LDAH: variants seen among roughly 807,000 people sequenced by gnomAD.
LDAH encodes the protein lipid droplet associated hydrolase.
LDAH carries 26 observed loss-of-function variants against 29.6 expected under a neutral mutation model. The ratio of observed to expected loss-of-function variants is 0.88; its 90% CI spans 0.64 to 1.22. The LOEUF (loss-of-function observed/expected upper bound fraction) is 1.22, where lower values mean the gene tolerates loss of function less well. LDAH is among the 50% of genes most tolerant of loss of function. LDAH has a pLI of 0.00. For missense variants in LDAH, 344 were observed against 387.3 expected (o/e 0.89, Z 0.94); for synonymous variants, 117 against 133.0 (o/e 0.88, Z 0.83).
intron 4 of LDAH, among the ~76,000 whole-genome samples, chr2:20,766,246 C>A (rs547759092): frequency 6.6e-6 from 1 of 152,128 alleles, no homozygotes; most frequent in African/African-American, 2.4e-5. Flanking sequence ...TTTAAAAACA[C>A]TGTTTCATTG....
At chr2:20,780,699 A>G (rs1670135737) in intron 3 of LDAH, among the ~76,000 whole-genome samples, 1 of 152,202 alleles carries the variant, frequency 6.6e-6, no homozygotes, top group Non-Finnish European at 1.5e-5. Flanking sequence ...CGTTAACTGC[A>G]ATGCTCACTC....
chr2:20,791,392 C>T (rs1326671574), intron 2 of LDAH, among the ~76,000 whole-genome samples: 1 of 152,180 alleles, frequency 6.6e-6, no homozygotes, highest in Non-Finnish European at 1.5e-5. Flanking sequence ...ATGTACAAAG[C>T]ATTGTAACAC....
At chr2:20,692,310 C>G (rs941768220) in intron 6 of LDAH, among the ~76,000 whole-genome samples, 2 of 152,144 alleles carry the variant, frequency 1.3e-5, no homozygotes, top group African/African-American at 4.8e-5. Flanking sequence ...AGGGAGTGAA[C>G]ATGAACAAAG....
chr2:20,690,859 T>G (rs745562813), intron 6 of LDAH, among the ~76,000 whole-genome samples: 1 of 151,562 alleles, frequency 6.6e-6, no homozygotes, highest in African/African-American at 2.4e-5. Context: ...CTGTGCTAAG[T>G]AAGCACTTTC....
intron 4 of LDAH, among the ~76,000 whole-genome samples, chr2:20,757,554 A>C (rs1668415402): frequency 6.6e-6 from 1 of 152,194 alleles, no homozygotes; most frequent in South Asian, 2.1e-4. Context: ...CCAAGCTGTG[A>C]TGGTCAATTT....
intron 1 of LDAH, among the ~76,000 whole-genome samples, 193 bp from the exon 2 acceptor site, chr2:20,801,658 A>T (rs1335061865): frequency 6.6e-6 from 1 of 152,316 alleles, no homozygotes; most frequent in East Asian, 1.9e-4. Flanking sequence ...ACAAGCCACG[A>T]AAGTACTTAG....
chr2:20,783,970 C>T (rs559946807), intron 3 of LDAH, among the ~76,000 whole-genome samples: 1 of 152,322 alleles, frequency 6.6e-6, no homozygotes, highest in African/African-American at 2.4e-5. Context: ...ACCTCGTCCT[C>T]CCAAAGTGCT....
chr2:20,781,639 T>A (rs1231520781), intron 3 of LDAH, among the ~76,000 whole-genome samples: 1 of 152,248 alleles, frequency 6.6e-6, no homozygotes, highest in Admixed American at 6.5e-5. Context: ...AGAGCCCTAC[T>A]TAGCCTTCAC....
At position 20,737,172 on chromosome 2, in the gene LDAH, A is replaced by G. The variant is rs573340707; in HGVS notation, c.703+2799T>C. Reference sequence around the variant, plus strand: ...ATGTGGTAAAAAGAAAACCCAGAGAACTCACCACTGTGTTTGTTCCTTGGG... The same window carrying G: ...ATGTGGTAAAAAGAAAACCCAGAGAGCTCACCACTGTGTTTGTTCCTTGGG... On this transcript the variant is annotated intron_variant, in intron 5 of 6. Coordinates refer to ENST00000237822, the MANE Select transcript of LDAH (RefSeq NM_021925.4). Among the ~76,000 whole-genome samples the G allele has an allele frequency of 2.0e-5, 3 of 152,146 alleles. No individual in the cohort carries two copies. The South Asian group carries it at 6.2e-4, about 32-fold the overall frequency.
chr2:20,749,818 G>T (rs1667836080), intron 4 of LDAH, among the ~76,000 whole-genome samples: 1 of 152,098 alleles, frequency 6.6e-6, no homozygotes, highest in South Asian at 2.1e-4. Flanking sequence ...AACAGGTTAG[G>T]ATCTGTCCTG....
At chr2:20,760,861 T>C (rs1668635061) in intron 4 of LDAH, among the ~76,000 whole-genome samples, 2 of 152,208 alleles carry the variant, frequency 1.3e-5, no homozygotes, top group South Asian at 4.1e-4. Flanking sequence ...ATCAGTCATA[T>C]CCACTTATGG....
At position 20,698,289 on chromosome 2, in the gene LDAH, G is replaced by A. The variant is rs1432685818; in HGVS notation, c.786+3281C>T. 1.3e-5 allele frequency among the ~76,000 whole-genome samples: 2 copies of A among 152,232 alleles called. No homozygotes were observed. The highest frequency in any genetic ancestry group is 2.9e-5 in the Non-Finnish European group (2 of 68,044). On this transcript the variant is annotated intron_variant, in intron 6 of 6. Transcript: ENST00000237822. The surrounding 1 kb of genome is among the most constrained non-coding windows in gnomAD (Gnocchi z 4.4). ...AAGGTTGATTGTTTAAATACTGTGT[G>A]ATAAATGCAATATAACTTTACATAG... is the stretch of plus-strand genomic sequence containing the variant.
At chr2:20,811,681 T>C (rs1672512443) in intron 1 of LDAH, among the ~76,000 whole-genome samples, 1 of 151,662 alleles carries the variant, frequency 6.6e-6, no homozygotes, top group Non-Finnish European at 1.5e-5. Context: ...AGATGGGGTT[T>C]CACTGTGTTA....
intron 4 of LDAH, among the ~76,000 whole-genome samples, chr2:20,770,847 G>T (rs930954520): frequency 6.6e-6 from 1 of 152,162 alleles, no homozygotes; most frequent in African/African-American, 2.4e-5. Flanking sequence ...TTCAGGCAGA[G>T]CCAAGGCTGA....
chr2:20,765,606 C>T (rs114752334), intron 4 of LDAH, among the ~76,000 whole-genome samples: 2 of 152,184 alleles, frequency 1.3e-5, no homozygotes, highest in Non-Finnish European at 2.9e-5. Context: ...GGTTCTTTTG[C>T]TCCATGTGGT....
chr2:20,764,657 C>G (rs1348161473), intron 4 of LDAH, among the ~76,000 whole-genome samples: 1 of 152,162 alleles, frequency 6.6e-6, no homozygotes, highest in Non-Finnish European at 1.5e-5. Context: ...TTGAAGAACT[C>G]AAATATTAAA....
chr2:20,709,562 A>T (rs1314267490), intron 5 of LDAH, among the ~76,000 whole-genome samples: 1 of 152,198 alleles, frequency 6.6e-6, no homozygotes, highest in East Asian at 1.9e-4. Context: ...TGTTAGAATT[A>T]TAAACTGGTA....
At chr2:20,813,736 A>C (rs1297787928) in intron 1 of LDAH, among the ~76,000 whole-genome samples, 1 of 152,246 alleles carries the variant, frequency 6.6e-6, no homozygotes, top group African/African-American at 2.4e-5. Context: ...TCACTAAGTG[A>C]TACCACACTT....
At chr2:20,717,901 G>A (rs906279812) in intron 5 of LDAH, among the ~76,000 whole-genome samples, 10 of 152,140 alleles carry the variant, frequency 6.6e-5, no homozygotes, top group East Asian at 1.9e-4. Flanking sequence ...ATCTTCCCAC[G>A]TTAGCCTTCA....
Sources: gnomAD v4.1 joint callset for allele counts (sites outside exome capture counted in the v4.1 genomes callset) on GRCh38, gnomAD v4.1.1 for gene constraint, Gnocchi (gnomAD v3.1) non-coding constraint, MANE v1.5 for transcripts, NCBI Gene and HGNC (gene_info 2026-07-23, HGNC 2026-07-21) for gene names.